NCOA5: variants seen among roughly 807,000 people sequenced by gnomAD.
The protein encoded by NCOA5 is NCoA-5.
NCOA5 carries 12 observed loss-of-function variants against 59.0 expected under a neutral mutation model. That is an observed-to-expected ratio of 0.20 (90% CI 0.13 to 0.33). The LOEUF (loss-of-function observed/expected upper bound fraction) is 0.33. Ranked by LOEUF, NCOA5 falls within the 10% of genes least tolerant of loss-of-function variation. The pLI is 1.00. For missense variants in NCOA5, 655 were observed against 766.6 expected, an observed-to-expected ratio of 0.85 and a Z score of 1.72; for synonymous variants, 270 against 275.5, an observed-to-expected ratio of 0.98 and a Z score of 0.20.
chr20:46,068,612 AGGTATC>A lies in NCOA5; in HGVS notation c.386_391del (p.Arg129_Tyr130del), dbSNP rs772344162. Reference sequence around the variant, plus strand: ...TCTCCTGCAATAGTCATCCATTCGTAGGTATCGGTCATAAGAGCCTTCTCTCCTGAA... The same window carrying A: ...TCTCCTGCAATAGTCATCCATTCGTAGGTCATAAGAGCCTTCTCTCCTGAA... On this transcript the variant is annotated inframe_deletion, in exon 4 of 8. Coordinates refer to ENST00000290231, the MANE Select transcript of NCOA5 (RefSeq NM_020967.3). The A allele has an allele frequency of 6.2e-7, 1 of 1,613,522 alleles. No individual in the cohort carries two copies.
Position 46,061,133 on chromosome 20 carries a change from T to C in NCOA5, c.*1167A>G, listed in dbSNP as rs918387806. The C allele has an allele frequency of 2.6e-5, 4 of 152,070 alleles. No homozygotes were observed. Among genetic ancestry groups the C allele is most frequent in the African/African-American group, 9.7e-5 (4 of 41,360 alleles). 9.4% of individuals were successfully genotyped at this position (152,070 alleles called of 1,614,324 possible). A position where few individuals can be genotyped will look rare whatever the true frequency, so the allele number is the denominator to read the frequency against. ...TTGGGGACCTTGAATTTTGAAACCA[T>C]TGTTTGCTTAACCACTGGCAGGGAC... On this transcript the variant is annotated 3_prime_UTR_variant, in exon 8 of 8. Coordinates refer to ENST00000290231, the MANE Select transcript of NCOA5 (RefSeq NM_020967.3).
chr20:46,087,885 T>C (rs979631158), intron 1 of NCOA5, among the ~76,000 whole-genome samples: 4 of 152,160 alleles, frequency 2.6e-5, no homozygotes, highest in Admixed American at 2.0e-4. Context: ...AAAATGACCT[T>C]AGCCTTACGT....
intron 1 of NCOA5, among the ~76,000 whole-genome samples, chr20:46,079,942 G>A (rs1417635946): frequency 1.3e-5 from 2 of 152,166 alleles, no homozygotes; most frequent in Admixed American, 6.5e-5. Flanking sequence ...ATCCCATGAA[G>A]CAGGGCCTCC....
intron 1 of NCOA5, among the ~76,000 whole-genome samples, chr20:46,084,508 C>T (rs1277574761): frequency 6.6e-6 from 1 of 152,224 alleles, no homozygotes; most frequent in Non-Finnish European, 1.5e-5. Context: ...CCTCAAACTA[C>T]AGTGTTTCTG....
At chr20:46,071,158 G>GAACAA (rs145573501) in intron 2 of NCOA5, among the ~76,000 whole-genome samples, 27,817 of 149,196 alleles carry the variant, frequency 0.19, 2,745 homozygotes, top group South Asian at 0.29. Flanking sequence ...AAAAAAAAGA[G>GAACAA]AACAAAACAA....
In NCOA5 at chr20:46,070,429, C is replaced by T. The variant is rs376779498; in HGVS notation, c.146G>A (p.Arg49Gln). Residue 49 changes from arginine (R) to glutamine (Q), a missense_variant, in exon 3 of 8, where the codon CGG becomes CAG. Physicochemically the swap from Arg to Gln is conservative, Grantham distance 43. Coordinates refer to ENST00000290231, the MANE Select transcript of NCOA5 (RefSeq NM_020967.3). ...GGGGTCTCGAATGTCTCTGCTGTCCCGGGCATCCCGGCCATTTCTGCCATC... is the reference window on the plus strand; with the variant it reads ...GGGGTCTCGAATGTCTCTGCTGTCCTGGGCATCCCGGCCATTTCTGCCATC... ...PRDGRNGRDA[R>Q]DSRDIRDPRD... 5.9e-5 allele frequency: 96 copies of T among 1,613,954 alleles called. 4 individuals carry two copies. The highest frequency in any genetic ancestry group is 5.7e-4 in the South Asian group (52 of 91,058).
At chr20:46,086,158 G>A (rs187717438) in intron 1 of NCOA5, among the ~76,000 whole-genome samples, 129 of 152,268 alleles carry the variant, frequency 8.5e-4, no homozygotes, top group Non-Finnish European at 1.6e-3. Context: ...GATTACAGGT[G>A]TGAGCCACTG....
chr20:46,086,130 A>C (rs1280909169), intron 1 of NCOA5, among the ~76,000 whole-genome samples: 1 of 152,154 alleles, frequency 6.6e-6, no homozygotes, highest in Admixed American at 6.5e-5. Context: ...TTCCCACTTC[A>C]GCCTCCCCAA....
chr20:46,062,155 GAA>G lies in NCOA5; in HGVS notation c.*143_*144del, dbSNP rs938180750. 112 of 627,244 alleles carry G rather than the reference GAA, an allele frequency of 1.8e-4. No homozygotes were observed. The highest frequency in any genetic ancestry group is 1.6e-3 in the Middle Eastern group (4 of 2,428). The allele number at this position is 627,244 out of a possible 1,614,324, so 38.9% of individuals were successfully genotyped here. On this transcript the variant is annotated 3_prime_UTR_variant, in exon 8 of 8. Transcript: ENST00000290231. ...GGAATAAGCAACACAGCCTTGGGCA[GAA>G]GAGAGAGCAGGTGGTAGAAATTGAT... is the stretch of plus-strand genomic sequence containing the variant.
chr20:46,089,420 G>A (rs1240612770), intron 1 of NCOA5, among the ~76,000 whole-genome samples: 2 of 152,234 alleles, frequency 1.3e-5, no homozygotes, highest in African/African-American at 4.8e-5. Flanking sequence ...AATCCCGACT[G>A]CGCCACTGAC....
Position 46,062,130 on chromosome 20 carries a change from G to T in NCOA5, c.*170C>A. ...CCCAAATGCAGTATAAACTTTGTAA[G>T]GAATAAGCAACACAGCCTTGGGCAG... is the stretch of plus-strand genomic sequence containing the variant. On this transcript the variant is annotated 3_prime_UTR_variant, in exon 8 of 8. Coordinates refer to ENST00000290231, the MANE Select transcript of NCOA5 (RefSeq NM_020967.3). 1.7e-6 allele frequency: 1 copy of T among 575,494 alleles called. No homozygotes were observed. The highest frequency in any genetic ancestry group is 3.0e-6 in the Non-Finnish European group (1 of 329,158). 35.6% of individuals were successfully genotyped at this position (575,494 alleles called of 1,614,324 possible).
chr20:46,073,047 TAAG>T (rs1156352266), intron 2 of NCOA5, among the ~76,000 whole-genome samples: 7 of 152,324 alleles, frequency 4.6e-5, no homozygotes, highest in East Asian at 1.9e-4. Flanking sequence ...CCCTACCAAA[TAAG>T]AAGTTCTCTT....
chr20:46,074,311 C>T (rs1266253075), intron 2 of NCOA5, among the ~76,000 whole-genome samples: 6 of 152,168 alleles, frequency 3.9e-5, no homozygotes, highest in Admixed American at 1.3e-4. Flanking sequence ...CTGTGGGAGA[C>T]GCTGGACCTC....
At chr20:46,068,241 C>A (rs2084844802) in intron 4 of NCOA5, among the ~76,000 whole-genome samples, 1 of 152,150 alleles carries the variant, frequency 6.6e-6, no homozygotes, top group Admixed American at 6.5e-5. Flanking sequence ...GCATTTTGTT[C>A]ATTTCTTATT....
intron 2 of NCOA5, among the ~76,000 whole-genome samples, chr20:46,072,737 T>C (rs988077896): frequency 3.3e-5 from 5 of 152,226 alleles, no homozygotes; most frequent in South Asian, 4.1e-4. Flanking sequence ...TACTCCCTGA[T>C]TGTTAGATTC....
rs1368380735 is a variant in NCOA5, at chr20:46,070,360, T to C, written c.215A>G (p.His72Arg). 1.9e-6 allele frequency: 3 copies of C among 1,613,348 alleles called. No homozygotes were observed. In the African/African-American group the frequency reaches 4.0e-5, roughly 22 times the overall value. The change falls in exon 3 of 8, where the codon CAC (histidine) becomes CGC (arginine). Residue 72 changes from histidine (H) to arginine (R), a missense_variant. His to Arg is a conservative substitution (Grantham distance 29). This residue lies in a region of NCOA5 where 250 missense variants were observed against 260.1 expected (regional missense o/e 0.96). Coordinates refer to ENST00000290231, the MANE Select transcript of NCOA5 (RefSeq NM_020967.3). Reference sequence around the variant, plus strand: ...GTCGCGCACACTCCTGCTGTCTCTGTGATCCCGCAAATCTCTACTATGTCT... The same window carrying C: ...GTCGCGCACACTCCTGCTGTCTCTGCGATCCCGCAAATCTCTACTATGTCT... ...DHRHSRDLRD[H>R]RDSRSVRDVR...
chr20:46,074,322 AGAT>A (rs1180312751), intron 2 of NCOA5, among the ~76,000 whole-genome samples: 1 of 152,224 alleles, frequency 6.6e-6, no homozygotes, highest in Non-Finnish European at 1.5e-5. Context: ...GCTGGACCTC[AGAT>A]GATAAGTGGG....
intron 2 of NCOA5, among the ~76,000 whole-genome samples, chr20:46,076,542 A>G (rs572405066): frequency 4.5e-4 from 68 of 151,896 alleles, no homozygotes; most frequent in Non-Finnish European, 9.9e-4. Flanking sequence ...AAAAACTGGG[A>G]TTTTGAATAC....
chr20:46,067,311 T>A, intron 4 of NCOA5, 130 bp from the exon 5 acceptor site: 1 of 1,090,832 alleles, frequency 9.2e-7, no homozygotes, highest in Non-Finnish European at 1.3e-6. Context: ...CAGCCAGTAT[T>A]AATATTTTTT....
Sources: gnomAD v4.1 joint callset for allele counts (sites outside exome capture counted in the v4.1 genomes callset) on GRCh38, gnomAD v4.1.1 for gene constraint, gnomAD v4.1.1 regional missense constraint, MANE v1.5 for transcripts, NCBI Gene and HGNC (gene_info 2026-07-23, HGNC 2026-07-21) for gene names.